Variants in NF1 observed in about 807,000 individuals in gnomAD.
The protein encoded by NF1 is neurofibromin.
In NF1, 122 loss-of-function variants were observed where a neutral mutation model predicts 325.7. That is an observed-to-expected ratio of 0.37 (90% CI 0.32 to 0.44). The LOEUF is 0.44. Among genes scored for constraint, NF1 ranks in the 20% least tolerant of loss-of-function variants. The probability of loss-of-function intolerance (pLI) is 1.00; values close to 1 mark genes in which losing one functional copy is unlikely to be tolerated. For missense variants in NF1, 2,140 were observed against 3,415.4 expected, an observed-to-expected ratio of 0.63 and a Z score of 9.31; for synonymous variants, 1,091 against 1,186.0, an observed-to-expected ratio of 0.92 and a Z score of 1.65.
intron 1 of NF1, among the ~76,000 whole-genome samples, chr17:31,098,572 A>G (rs1015730808): frequency 2.0e-5 from 3 of 152,114 alleles, no homozygotes; most frequent in Non-Finnish European, 4.4e-5. Flanking sequence ...TACAGGCGTG[A>G]GCCATCGCTT....
At chr17:31,165,308 C>T (rs1393085862) in intron 4 of NF1, among the ~76,000 whole-genome samples, 1 of 152,196 alleles carries the variant, frequency 6.6e-6, no homozygotes, top group Non-Finnish European at 1.5e-5. Context: ...TTTCAGAGGA[C>T]AGACCACTCA....
At chr17:31,201,378 A>G in intron 10 of NF1, 33 bp from the exon 11 acceptor site, 1 of 1,578,878 alleles carries the variant, frequency 6.3e-7, no homozygotes, top group East Asian at 2.2e-5. Context: ...TTTCTCATAG[A>G]AATAATCTGC....
chr17:31,106,485 G>C (rs1405649729), intron 1 of NF1, among the ~76,000 whole-genome samples: 2 of 152,130 alleles, frequency 1.3e-5, no homozygotes, highest in Non-Finnish European at 2.9e-5. Context: ...ACTAGAGTAT[G>C]GATGTCTTGA....
chr17:31,323,223 TC>T (rs1445561802), intron 36 of NF1, among the ~76,000 whole-genome samples: 1 of 151,466 alleles, frequency 6.6e-6, no homozygotes, highest in Non-Finnish European at 1.5e-5. Flanking sequence ...CATGGCAAAA[TC>T]CTGTCTCTAC....
At chr17:31,258,675 G>A (rs1020305719) in intron 32 of NF1, among the ~76,000 whole-genome samples, 173 bp downstream of exon 32, 3 of 151,976 alleles carry the variant, frequency 2.0e-5, no homozygotes, top group Non-Finnish European at 4.4e-5. Context: ...GGTACCTGAT[G>A]GACCTTATTT....
chr17:31,349,042 GGAA>G, intron 48 of NF1, 75 bp from the exon 49 acceptor site: 2 of 1,519,292 alleles, frequency 1.3e-6, no homozygotes, highest in Non-Finnish European at 1.8e-6. Context: ...TGTTAGTCAG[GGAA>G]GAAGACCTCA....
chr17:31,300,804 G>C (rs2068557528), intron 36 of NF1, among the ~76,000 whole-genome samples: 1 of 152,030 alleles, frequency 6.6e-6, no homozygotes, highest in Admixed American at 6.5e-5. Flanking sequence ...CAGCCTCACT[G>C]TATACTTTGT....
chr17:31,340,688 A>G (rs2069796900), intron 47 of NF1, 43 bp downstream of exon 47: 1 of 1,592,244 alleles, frequency 6.3e-7, no homozygotes, highest in Non-Finnish European at 8.6e-7. Context: ...ACTCAAATTT[A>G]GTACTCTTCC....
chr17:31,308,433 G>A (rs1302309982), intron 36 of NF1, among the ~76,000 whole-genome samples: 1 of 152,058 alleles, frequency 6.6e-6, no homozygotes, highest in Non-Finnish European at 1.5e-5. Flanking sequence ...GAGCCACCAC[G>A]CCTGGCCTGT....
intron 36 of NF1, chr17:31,303,795 C>G (rs531113500): frequency 6.6e-6 from 1 of 152,668 alleles, no homozygotes; most frequent in East Asian, 1.9e-4. Flanking sequence ...GCATTTTAAT[C>G]TCCCATTCCC....
intron 1 of NF1, among the ~76,000 whole-genome samples, chr17:31,106,043 CT>C (rs1235416514): frequency 6.6e-6 from 1 of 152,172 alleles, no homozygotes; most frequent in Non-Finnish European, 1.5e-5. Context: ...AGTGGTGACA[CT>C]TTTCTGTTGA....
At position 31,308,404 on chromosome 17, in the gene NF1, A is replaced by G. The variant is rs148768004; in HGVS notation, c.4836-17416A>G. On this transcript the variant is annotated intron_variant, in intron 36 of 57. Transcript: ENST00000358273. The stretch of plus-strand genomic sequence containing the variant: ...GATCTGTCCGCCTCAGCCTCCCAAA[A>G]TGCTGGGATTACAGGCATGAGCCAC... 7.4e-4 allele frequency among the ~76,000 whole-genome samples: 112 copies of G among 152,088 alleles called. 1 individual carries two copies. The highest frequency in any genetic ancestry group is 2.6e-3 in the African/African-American group (108 of 41,512).
At chr17:31,318,289 T>G (rs1404249466) in intron 36 of NF1, 2 of 1,588,462 alleles carry the variant, frequency 1.3e-6, no homozygotes, top group East Asian at 2.2e-5. Flanking sequence ...ATTGCTACTT[T>G]GCATTTTTCT....
At chr17:31,314,234 G>T in intron 36 of NF1, 1 of 369,394 alleles carries the variant, frequency 2.7e-6, no homozygotes, top group Non-Finnish European at 4.8e-6. Context: ...CCTATGATTT[G>T]AGTGCTTTTA....
At chr17:31,173,198 C>T (rs553568590) in intron 5 of NF1, among the ~76,000 whole-genome samples, 7 of 152,122 alleles carry the variant, frequency 4.6e-5, no homozygotes, top group Admixed American at 3.9e-4. Flanking sequence ...AGGTGGATCA[C>T]GAGGTCAGGA....
chr17:31,228,269 C>T (rs2067049683), intron 20 of NF1, among the ~76,000 whole-genome samples: 1 of 152,086 alleles, frequency 6.6e-6, no homozygotes, highest in Non-Finnish European at 1.5e-5. Flanking sequence ...GTTCATATTG[C>T]TCTCATTATT....
chr17:31,308,007 A>G, intron 36 of NF1: 1 of 964,568 alleles, frequency 1.0e-6, no homozygotes, highest in Non-Finnish European at 1.4e-6. Flanking sequence ...CTATACGAAT[A>G]ATTCAAGCCT....
At chr17:31,156,721 C>T (rs897499579) in intron 2 of NF1, among the ~76,000 whole-genome samples, 7 of 152,106 alleles carry the variant, frequency 4.6e-5, no homozygotes, top group African/African-American at 1.7e-4. Context: ...CTCATAATTT[C>T]TTTCTTCTTC....
chr17:31,097,560 G>C (rs1911858912), intron 1 of NF1, among the ~76,000 whole-genome samples: 1 of 151,882 alleles, frequency 6.6e-6, no homozygotes, highest in African/African-American at 2.4e-5. Flanking sequence ...AGACCTTAAG[G>C]CTTCGTTGTT....
Sources: allele counts gnomAD v4.1 joint callset (sites outside exome capture counted in the v4.1 genomes callset), GRCh38; gene constraint gnomAD v4.1.1; transcripts MANE v1.5; gene names NCBI Gene and HGNC (gene_info 2026-07-23, HGNC 2026-07-21).